Variants in SCML4 observed in about 807,000 individuals in gnomAD.
The protein encoded by SCML4 is sex comb on midleg-like protein 4.
SCML4 carries 34 observed loss-of-function variants against 41.1 expected under a neutral mutation model. That is an observed-to-expected ratio of 0.83 (90% CI 0.63 to 1.10). The LOEUF (loss-of-function observed/expected upper bound fraction) is 1.10. Among genes scored for constraint, SCML4 ranks in the 50% least tolerant of loss-of-function variants. SCML4 has a pLI of 0.00. For synonymous variants in SCML4, 214 were observed against 220.9 expected (o/e 0.97, Z 0.28); for missense variants, 522 against 534.1 (o/e 0.98, Z 0.22).
At chr6:107,805,953 C>T (rs746785372) in intron 1 of SCML4, among the ~76,000 whole-genome samples, 3 of 152,196 alleles carry the variant, frequency 2.0e-5, no homozygotes, top group Non-Finnish European at 4.4e-5. Flanking sequence ...ATGGAGGCCA[C>T]GGTTATGAGT....
At chr6:107,775,498 T>A (rs1217947745) in intron 1 of SCML4, among the ~76,000 whole-genome samples, 1 of 152,224 alleles carries the variant, frequency 6.6e-6, no homozygotes, top group Non-Finnish European at 1.5e-5. Flanking sequence ...CCGGTTAATT[T>A]GTTTGCTGTC....
chr6:107,811,524 G>A (rs1318214790), intron 1 of SCML4, among the ~76,000 whole-genome samples: 8 of 152,116 alleles, frequency 5.3e-5, no homozygotes, highest in Admixed American at 5.2e-4. Context: ...GCAATAACAG[G>A]TATACTGATT....
intron 1 of SCML4, among the ~76,000 whole-genome samples, chr6:107,800,521 A>AT (rs1286761277): frequency 6.6e-6 from 1 of 152,170 alleles, no homozygotes; most frequent in African/African-American, 2.4e-5. Flanking sequence ...AAAAGATGTG[A>AT]TTTTTATCTA....
At chr6:107,835,127 G>A in the SCML4 span, among the ~76,000 whole-genome samples, 3 of 152,172 alleles carry the variant, frequency 2.0e-5, no homozygotes, top group Non-Finnish European at 2.9e-5. Flanking sequence ...TTGGGAGGCC[G>A]AGGCGGGTGG....
intron 1 of SCML4, among the ~76,000 whole-genome samples, chr6:107,803,019 G>T (rs1335663507): frequency 1.8e-4 from 28 of 151,866 alleles, no homozygotes; most frequent in Non-Finnish European, 3.2e-4. Context: ...GTGCCGGGAT[G>T]GCAGACGGAG....
intron 1 of SCML4, among the ~76,000 whole-genome samples, chr6:107,773,160 A>G (rs1056866763): frequency 6.6e-6 from 1 of 152,258 alleles, no homozygotes; most frequent in Non-Finnish European, 1.5e-5. Context: ...GTATGGTCAA[A>G]AAGTGGAAGC....
intron 5 of SCML4, among the ~76,000 whole-genome samples, chr6:107,740,596 G>A (rs1777503913): frequency 6.6e-6 from 1 of 152,216 alleles, no homozygotes; most frequent in Non-Finnish European, 1.5e-5. Context: ...ACATAGATCT[G>A]CAGCAGGATC....
At position 107,824,293 on chromosome 6, in the gene SCML4, A is replaced by G. The variant is rs569948630; in HGVS notation, c.-227T>C. ...CCAGCAGCCCTGCGCTCCAGCTGCA[A>G]ACATCTCATTAGACTAATGCATTCA... On this transcript the variant is annotated 5_prime_UTR_variant, in exon 1 of 8. Coordinates refer to ENST00000369020, the MANE Select transcript of SCML4 (RefSeq NM_198081.5). 6.6e-6 allele frequency: 1 copy of G among 152,356 alleles called. No individual in the cohort carries two copies. The highest frequency in any genetic ancestry group is 2.1e-4 in the South Asian group (1 of 4,830). The allele number at this position is 152,356 out of a possible 1,614,324, so 9.4% of individuals were successfully genotyped here.
At chr6:107,751,611 TTTCTTTC>T (rs1371667382) in intron 2 of SCML4, among the ~76,000 whole-genome samples, 2 of 146,538 alleles carry the variant, frequency 1.4e-5, no homozygotes, top group African/African-American at 5.1e-5. Context: ...TCTTTCTTTC[TTTCTTTC>T]TTTCTTTCTT....
the SCML4 span, among the ~76,000 whole-genome samples, chr6:107,834,926 A>G: frequency 7.2e-6 from 1 of 138,700 alleles, no homozygotes; most frequent in South Asian, 2.6e-4. Context: ...AGACAAAGAG[A>G]GACCCTGTCT....
intron 2 of SCML4, among the ~76,000 whole-genome samples, chr6:107,753,339 C>T (rs557844914): frequency 6.6e-6 from 1 of 152,138 alleles, no homozygotes; most frequent in Non-Finnish European, 1.5e-5. Flanking sequence ...AGTATGTAGC[C>T]CCCAAAATTG....
chr6:107,751,153 A>C (rs1283918631), intron 2 of SCML4, among the ~76,000 whole-genome samples: 1 of 152,222 alleles, frequency 6.6e-6, no homozygotes, highest in Non-Finnish European at 1.5e-5. Flanking sequence ...ACAGACAATA[A>C]ACAGAATAAA....
In SCML4 at chr6:107,720,006, T is replaced by C. The variant is rs145705086; in HGVS notation, c.973+697A>G. Reference sequence around the variant, plus strand: ...TTGTAGACTGCATTCCAACAAGCTTTCTTTAGTGGATGAGACAGAAGTGGC... The same window carrying C: ...TTGTAGACTGCATTCCAACAAGCTTCCTTTAGTGGATGAGACAGAAGTGGC... On this transcript the variant is annotated intron_variant, in intron 6 of 7. Transcript: ENST00000369020. 4.4e-4 allele frequency: 435 copies of C among 985,488 alleles called. 6 individuals are homozygous for C. In the East Asian group the frequency reaches 0.025, roughly 57 times the overall value. The allele number at this position is 985,488 out of a possible 1,614,324, so 61.0% of individuals were successfully genotyped here.
In SCML4 at chr6:107,744,971, T is replaced by G; in HGVS notation, c.660A>C (p.Lys220Asn). 1 of 1,612,188 alleles carries G rather than the reference T, an allele frequency of 6.2e-7. No individual in the cohort carries two copies. Among genetic ancestry groups the G allele is most frequent in the Non-Finnish European group, 8.5e-7 (1 of 1,179,106 alleles). The part of the protein sequence containing the change: ...GCSASEKVQE[K>N]EEGRMESVKT... ...TACCTGATTCCATCCTCCCTTCCTC[T>G]TTCTCCTGGACTTTCTCAGAGGCAC... The change falls in exon 5 of 8, where the codon AAA becomes AAC. Residue 220 changes from lysine to asparagine, a missense_variant. By Grantham distance (94) the Lys-to-Asn change is moderately conservative. Coordinates refer to ENST00000369020, the MANE Select transcript of SCML4 (RefSeq NM_198081.5).
At chr6:107,766,949 A>ATTT (rs35794596) in intron 2 of SCML4, among the ~76,000 whole-genome samples, 3 of 136,350 alleles carry the variant, frequency 2.2e-5, no homozygotes, top group Admixed American at 7.4e-5. Context: ...CTATTAAGCT[A>ATTT]TTTTTTTTTT....
At chr6:107,709,398 T>C (rs1774014172) in intron 6 of SCML4, among the ~76,000 whole-genome samples, 1 of 152,178 alleles carries the variant, frequency 6.6e-6, no homozygotes, top group Non-Finnish European at 1.5e-5. Context: ...GGTGTAAGGA[T>C]GGAAATGGGA....
the SCML4 span, among the ~76,000 whole-genome samples, chr6:107,838,906 A>G: frequency 1.3e-5 from 2 of 152,212 alleles, no homozygotes; most frequent in Non-Finnish European, 2.9e-5. Flanking sequence ...TGAGGCATTC[A>G]AGAGTTAAGC....
chr6:107,712,021 T>C (rs1739866), intron 6 of SCML4, among the ~76,000 whole-genome samples: 114,084 of 151,944 alleles, frequency 0.75, 43,028 homozygotes, highest in Admixed American at 0.81. Flanking sequence ...TCCCATAAGG[T>C]GGTTTGGCAC....
At chr6:107,791,480 G>T (rs959065146) in intron 1 of SCML4, among the ~76,000 whole-genome samples, 1 of 152,126 alleles carries the variant, frequency 6.6e-6, no homozygotes, top group Non-Finnish European at 1.5e-5. Flanking sequence ...AGGAAAGAAG[G>T]GAAGTACTGG....
Sources: gnomAD v4.1 joint callset for allele counts (sites outside exome capture counted in the v4.1 genomes callset) on GRCh38, gnomAD v4.1.1 for gene constraint, MANE v1.5 for transcripts, NCBI Gene and HGNC (gene_info 2026-07-23, HGNC 2026-07-21) for gene names.